MSRB3: variants seen among roughly 807,000 people sequenced by gnomAD.
The protein encoded by MSRB3 is methionine sulfoxide reductase B3, also known as methionine-R-sulfoxide reductase B3.
In MSRB3, 13 loss-of-function variants were observed where a neutral mutation model predicts 21.0. The observed-to-expected ratio is 0.62, with a 90% CI of 0.40 to 0.98. The LOEUF is 0.98. Among genes scored for constraint, MSRB3 ranks in the 50% least tolerant of loss-of-function variants. MSRB3 has a pLI of 0.00. For synonymous variants in MSRB3, 87 were observed against 88.6 expected (o/e 0.98, Z 0.10); for missense variants, 199 against 230.3 (o/e 0.86, Z 0.88).
chr12:65,463,260 G>A lies in MSRB3; in HGVS notation c.496G>A (p.Gly166Ser), dbSNP rs1565903616. The change falls in exon 7 of 7, where the codon GGC (glycine) becomes AGC (serine). Residue 166 changes from glycine to serine, a missense_variant. Gly to Ser is a moderately conservative substitution (Grantham distance 56). Coordinates refer to ENST00000308259, the MANE Select transcript of MSRB3 (RefSeq NM_001031679.3). ...ALSFTPADSSGTAEGGSGVAS... is the reference protein window; with the variant it reads ...ALSFTPADSSSTAEGGSGVAS... ...GTCTTTTACACCTGCGGATAGCAGT[G>A]GCACCGCCGAGGGAGGCAGTGGGGT... 3 of 1,614,202 alleles carry A rather than the reference G, an allele frequency of 1.9e-6. No homozygotes were observed. The South Asian group carries it at 3.3e-5, about 18-fold the overall frequency.
intron 2 of MSRB3, among the ~76,000 whole-genome samples, chr12:65,311,648 G>C (rs535325976): frequency 7.2e-5 from 11 of 152,144 alleles, no homozygotes; most frequent in African/African-American, 2.4e-4. Flanking sequence ...GGAAGTGAAG[G>C]TGAAAGTTTG....
chr12:65,439,016 T>C (rs1157869865), intron 5 of MSRB3, among the ~76,000 whole-genome samples: 2 of 151,844 alleles, frequency 1.3e-5, no homozygotes, highest in South Asian at 4.1e-4. Context: ...CAAGACAGAT[T>C]GTCAGAGATT....
intron 5 of MSRB3, among the ~76,000 whole-genome samples, chr12:65,407,593 G>T (rs1172469513): frequency 1.3e-5 from 2 of 152,014 alleles, no homozygotes; most frequent in Non-Finnish European, 2.9e-5. Context: ...TTTGGTGTCT[G>T]TCATTAATTT....
intron 1 of MSRB3, among the ~76,000 whole-genome samples, chr12:65,289,671 G>C (rs1389611799): frequency 1.3e-5 from 2 of 152,046 alleles, no homozygotes; most frequent in African/African-American, 4.8e-5. Flanking sequence ...TAATCAGTAT[G>C]GTATAGGTAA....
intron 5 of MSRB3, among the ~76,000 whole-genome samples, chr12:65,447,893 T>C (rs1361774249): frequency 6.6e-6 from 1 of 152,206 alleles, no homozygotes; most frequent in African/African-American, 2.4e-5. Flanking sequence ...AAATTTTGAA[T>C]ACAGAAGTTT....
chr12:65,306,756 A>G (rs1873676351), intron 1 of MSRB3: 1 of 803,404 alleles, frequency 1.2e-6, no homozygotes, highest in Non-Finnish European at 1.5e-6. Flanking sequence ...AAATACAGGC[A>G]ACAGAATATT....
In MSRB3 at chr12:65,413,327, C is replaced by A. The variant is rs114073267; in HGVS notation, c.293-40401C>A. ...TTATGCTAACTCCATGAATATCTAG[C>A]AGATAGTAGGTGCTTTGTCATAAAT... On this transcript the variant is annotated intron_variant, in intron 5 of 6. Transcript: ENST00000308259. Among the ~76,000 whole-genome samples the A allele has an allele frequency of 3.6e-3, 546 of 152,272 alleles. 6 individuals are homozygous for A. Among genetic ancestry groups the A allele is most frequent in the African/African-American group, 0.012 (518 of 41,546 alleles).
chr12:65,397,517 G>C (rs1879878552), intron 5 of MSRB3, among the ~76,000 whole-genome samples: 1 of 151,610 alleles, frequency 6.6e-6, no homozygotes, highest in Admixed American at 6.6e-5. Context: ...TGCCTATCTT[G>C]GTTTTAATTG....
At chr12:65,389,914 G>A (rs1304013355) in intron 5 of MSRB3, among the ~76,000 whole-genome samples, 1 of 152,182 alleles carries the variant, frequency 6.6e-6, no homozygotes, top group Non-Finnish European at 1.5e-5. Flanking sequence ...CTATTCTGCA[G>A]TCCTTCTGTG....
intron 5 of MSRB3, among the ~76,000 whole-genome samples, chr12:65,428,894 C>T (rs1328292559): frequency 6.6e-6 from 1 of 152,014 alleles, no homozygotes; most frequent in Non-Finnish European, 1.5e-5. Context: ...CCTTTTTTTC[C>T]CCATAAGATA....
At chr12:65,301,939 T>G (rs968868859) in intron 1 of MSRB3, among the ~76,000 whole-genome samples, 1 of 152,116 alleles carries the variant, frequency 6.6e-6, no homozygotes, top group Non-Finnish European at 1.5e-5. Context: ...TGCAAAAATA[T>G]AGAACTCTTT....
At chr12:65,453,682 TG>T in intron 5 of MSRB3, 45 bp from the exon 6 acceptor site, 1 of 1,368,266 alleles carries the variant, frequency 7.3e-7, no homozygotes, top group Non-Finnish European at 1.0e-6. Context: ...CCCAAGGCTG[TG>T]TATCTCTCCT....
chr12:65,342,735 A>G (rs1005087177), intron 4 of MSRB3, among the ~76,000 whole-genome samples: 4 of 152,050 alleles, frequency 2.6e-5, no homozygotes. Flanking sequence ...ATAGGAGTCT[A>G]TGTAAATGAG....
At chr12:65,340,356 G>GT in intron 4 of MSRB3, among the ~76,000 whole-genome samples, 1 of 152,128 alleles carries the variant, frequency 6.6e-6, no homozygotes, top group Admixed American at 6.6e-5. Context: ...TAAGAAATAT[G>GT]TTTCAGTTAT....
chr12:65,458,105 C>T (rs573236549), intron 6 of MSRB3, among the ~76,000 whole-genome samples: 7 of 152,248 alleles, frequency 4.6e-5, no homozygotes, highest in South Asian at 2.1e-4. Flanking sequence ...TATCTAAATA[C>T]GAAGAACCTT....
At chr12:65,427,243 G>T (rs1881645590) in intron 5 of MSRB3, among the ~76,000 whole-genome samples, 1 of 152,184 alleles carries the variant, frequency 6.6e-6, no homozygotes, top group Non-Finnish European at 1.5e-5. Flanking sequence ...GGTGGGGGAT[G>T]TAGCAATTCT....
At chr12:65,384,937 A>G (rs983637806) in intron 5 of MSRB3, among the ~76,000 whole-genome samples, 6 of 152,156 alleles carry the variant, frequency 3.9e-5, no homozygotes, top group African/African-American at 1.4e-4. Context: ...GGTGGCATGT[A>G]TAAGTATTAA....
chr12:65,302,863 T>A (rs1447652756), intron 1 of MSRB3, among the ~76,000 whole-genome samples: 6 of 152,152 alleles, frequency 3.9e-5, no homozygotes, highest in Admixed American at 3.9e-4. Context: ...CTTCTGTTTA[T>A]AATAAGATGA....
intron 5 of MSRB3, among the ~76,000 whole-genome samples, chr12:65,378,952 C>T (rs1482712298): frequency 6.6e-6 from 1 of 152,110 alleles, no homozygotes; most frequent in Non-Finnish European, 1.5e-5. Context: ...AATTTCCTTA[C>T]TGTAACATAT....
Sources: allele counts gnomAD v4.1 joint callset (sites outside exome capture counted in the v4.1 genomes callset), GRCh38; gene constraint gnomAD v4.1.1; transcripts MANE v1.5; gene names NCBI Gene and HGNC (gene_info 2026-07-23, HGNC 2026-07-21).